Variants in KCTD8 observed in about 807,000 individuals in gnomAD.
KCTD8 encodes the protein potassium channel tetramerization domain containing 8.
Under a neutral mutation model 31.5 loss-of-function variants are expected in KCTD8, and 27 were observed. The observed-to-expected ratio is 0.86, with a 90% CI of 0.63 to 1.18. The LOEUF is 1.18. Ranked by LOEUF, KCTD8 falls within the 50% of genes most tolerant of loss-of-function variation. KCTD8 has a pLI of 0.00. For synonymous variants in KCTD8, 290 were observed against 280.0 expected, an observed-to-expected ratio of 1.04 and a Z score of -0.36; for missense variants, 658 against 647.7, an observed-to-expected ratio of 1.02 and a Z score of -0.17.
At chr4:44,349,671 A>C (rs1719148944) in intron 1 of KCTD8, among the ~76,000 whole-genome samples, 1 of 152,194 alleles carries the variant, frequency 6.6e-6, no homozygotes. Context: ...CCTTGCACTT[A>C]CACGACTAGA....
intron 1 of KCTD8, among the ~76,000 whole-genome samples, chr4:44,176,896 T>TATCTATCC (rs1296223680): frequency 6.6e-6 from 1 of 152,098 alleles, no homozygotes; most frequent in African/African-American, 2.4e-5. Context: ...TCTATCTATC[T>TATCTATCC]ATCTCAGGGA....
At chr4:44,265,074 G>A (rs995804075) in intron 1 of KCTD8, among the ~76,000 whole-genome samples, 14 of 152,216 alleles carry the variant, frequency 9.2e-5, no homozygotes, top group African/African-American at 2.2e-4. Context: ...ATCTGAGAAC[G>A]GGCAGACTGC....
intron 1 of KCTD8, among the ~76,000 whole-genome samples, chr4:44,402,432 T>C (rs928287393): frequency 1.3e-5 from 2 of 152,150 alleles, no homozygotes; most frequent in Non-Finnish European, 2.9e-5. Flanking sequence ...GGCATTTAAA[T>C]ATATTAGAAG....
At chr4:44,344,795 A>C (rs1421419209) in intron 1 of KCTD8, among the ~76,000 whole-genome samples, 1 of 152,196 alleles carries the variant, frequency 6.6e-6, no homozygotes, top group Non-Finnish European at 1.5e-5. Flanking sequence ...AATATTAAGG[A>C]ATTCCTATAA....
At chr4:44,390,193 G>C (rs1028065251) in intron 1 of KCTD8, among the ~76,000 whole-genome samples, 1 of 151,820 alleles carries the variant, frequency 6.6e-6, no homozygotes, top group Non-Finnish European at 1.5e-5. Context: ...TGGGTTATTG[G>C]TCATGAAGTC....
chr4:44,269,661 C>G (rs1716515208), intron 1 of KCTD8, among the ~76,000 whole-genome samples: 1 of 152,110 alleles, frequency 6.6e-6, no homozygotes, highest in African/African-American at 2.4e-5. Flanking sequence ...GGCTAATATC[C>G]AGAATCTACA....
chr4:44,309,484 A>G (rs1203823185), intron 1 of KCTD8, among the ~76,000 whole-genome samples: 1 of 152,200 alleles, frequency 6.6e-6, no homozygotes, highest in Non-Finnish European at 1.5e-5. Flanking sequence ...TTTACAAATT[A>G]TATTATTCTG....
At chr4:44,336,898 C>A (rs1718763142) in intron 1 of KCTD8, among the ~76,000 whole-genome samples, 1 of 151,542 alleles carries the variant, frequency 6.6e-6, no homozygotes, top group African/African-American at 2.4e-5. Context: ...ATGAAACTGC[C>A]ATATAACAAA....
At chr4:44,299,479 C>G (rs1438862597) in intron 1 of KCTD8, among the ~76,000 whole-genome samples, 1 of 152,054 alleles carries the variant, frequency 6.6e-6, no homozygotes, top group Non-Finnish European at 1.5e-5. Context: ...GCCTGTAATC[C>G]CAGCACTTTG....
In KCTD8 at chr4:44,317,228, C is replaced by CTTTTTTTTTTTTTTTTTTTTTTTTTTT. The variant is rs760060899; in HGVS notation, c.961+130334_961+130335insAAAAAAAAAAAAAAAAAAAAAAAAAAA. Among the ~76,000 whole-genome samples, 13 of 36,536 alleles carry CTTTTTTTTTTTTTTTTTTTTTTTTTTT rather than the reference C, an allele frequency of 3.6e-4. 4 individuals carry two copies. Among genetic ancestry groups the CTTTTTTTTTTTTTTTTTTTTTTTTTTT allele is most frequent in the Non-Finnish European group, 5.2e-4 (11 of 21,198 alleles). The allele number at this position is 36,536 out of a possible 152,430, so 24.0% of individuals were successfully genotyped here. A position where few individuals can be genotyped will look rare whatever the true frequency, so the allele number is the denominator to read the frequency against. ...TTTATGTATTGCCTATGGGTGCTTT[C>CTTTTTTTTTTTTTTTTTTTTTTTTTTT]TTTTTTTTTTTTTTTTTTTTTTGAG... is the stretch of plus-strand genomic sequence containing the variant. On this transcript the variant is annotated intron_variant, in intron 1 of 1. Transcript: ENST00000360029.
intron 1 of KCTD8, among the ~76,000 whole-genome samples, chr4:44,388,015 CA>C (rs200165225): frequency 0.17 from 23,275 of 135,548 alleles, 1,929 homozygotes; most frequent in Middle Eastern, 0.25. Flanking sequence ...AACAAATTTA[CA>C]AAAAAAAAAA....
intron 1 of KCTD8, among the ~76,000 whole-genome samples, chr4:44,446,044 G>A (rs1721930975): frequency 6.6e-6 from 1 of 152,104 alleles, no homozygotes. Flanking sequence ...CCAATTCAGT[G>A]GACAGACACT....
intron 1 of KCTD8, among the ~76,000 whole-genome samples, chr4:44,429,098 G>C (rs1721412020): frequency 6.6e-6 from 1 of 151,646 alleles, no homozygotes; most frequent in African/African-American, 2.4e-5. Flanking sequence ...CTAAATGGTA[G>C]GTAGAGAATT....
intron 1 of KCTD8, among the ~76,000 whole-genome samples, chr4:44,240,131 A>G (rs1034120162): frequency 2.0e-5 from 3 of 152,230 alleles, no homozygotes; most frequent in Admixed American, 1.3e-4. Context: ...GTTTGAATCA[A>G]TTTGTAAAAC....
chr4:44,287,296 G>T, intron 1 of KCTD8, among the ~76,000 whole-genome samples: 1 of 151,866 alleles, frequency 6.6e-6, no homozygotes, highest in East Asian at 1.9e-4. Flanking sequence ...GATAACTTAG[G>T]AATTATTTTC....
intron 1 of KCTD8, among the ~76,000 whole-genome samples, chr4:44,232,998 C>A (rs998056741): frequency 8.6e-5 from 13 of 151,754 alleles, no homozygotes; most frequent in African/African-American, 3.1e-4. Flanking sequence ...TTTGATAGTT[C>A]AGTATACAAT....
chr4:44,246,133 T>C (rs1715658519), intron 1 of KCTD8, among the ~76,000 whole-genome samples: 1 of 152,082 alleles, frequency 6.6e-6, no homozygotes, highest in Non-Finnish European at 1.5e-5. Context: ...ACATGGGAAA[T>C]CCTTCTAATC....
intron 1 of KCTD8, among the ~76,000 whole-genome samples, chr4:44,324,624 C>A (rs1718395758): frequency 2.0e-5 from 3 of 151,952 alleles, no homozygotes. Flanking sequence ...CATAAAATTT[C>A]CTTCAATGTT....
intron 1 of KCTD8, among the ~76,000 whole-genome samples, chr4:44,317,256 G>A (rs1577612421): frequency 6.8e-5 from 1 of 14,752 alleles, no homozygotes; most frequent in Non-Finnish European, 1.3e-4. Context: ...TTTTTGAGAC[G>A]GAGTCTCGCT....
Sources: gnomAD v4.1 joint callset for allele counts (sites outside exome capture counted in the v4.1 genomes callset) on GRCh38, gnomAD v4.1.1 for gene constraint, MANE v1.5 for transcripts, NCBI Gene and HGNC (gene_info 2026-07-23, HGNC 2026-07-21) for gene names.